Variants in TKT observed in about 807,000 individuals in gnomAD.
TKT encodes epididymis luminal protein 107.
Under a neutral mutation model 63.9 loss-of-function variants are expected in TKT, and 47 were observed. The ratio of observed to expected loss-of-function variants is 0.74; its 90% CI spans 0.58 to 0.94. The LOEUF is 0.94. Among genes scored for constraint, TKT ranks in the 40% least tolerant of loss-of-function variants. The pLI, the probability that TKT is intolerant of heterozygous loss-of-function variation, is 0.00. For synonymous variants in TKT, 338 were observed against 334.1 expected, an observed-to-expected ratio of 1.01 and a Z score of -0.13; for missense variants, 721 against 846.2, an observed-to-expected ratio of 0.85 and a Z score of 1.84.
intron 1 of TKT, among the ~76,000 whole-genome samples, chr3:53,254,668 A>G (rs1232857793): frequency 6.6e-6 from 1 of 152,144 alleles, no homozygotes. Context: ...TGTGGCCTCA[A>G]AGCAGCCTCC....
rs1704954943 is a variant in TKT, at chr3:53,235,099, G to A, written c.513C>T (p.Ser171=). 1.2e-6 allele frequency: 2 copies of A among 1,613,890 alleles called. No individual in the cohort carries two copies. The highest frequency in any genetic ancestry group is 1.1e-5 in the South Asian group (1 of 91,076). The change falls in exon 5 of 14, where the codon AGC becomes AGT. Residue 171 remains serine, a synonymous_variant. Coordinates refer to ENST00000462138, the MANE Select transcript of TKT (RefSeq NM_001064.4). The part of the protein sequence containing the change: ...GSVWEAMAFA[S]IYKLDNLVAI... ...CCACAAGGTTGTCCAGCTTATAGAT[G>A]CTGGCGAAGGCCATGGCCTCCCATA...
At position 53,225,923 on chromosome 3, in the gene TKT, C is replaced by G. The variant is rs138584321; in HGVS notation, c.1705G>C (p.Gly569Arg). ...ACTACTGCACTGGACACAGCCTCAC[C>G]AATGCCACCTAGAAATGAAAGGAGG... is the stretch of plus-strand genomic sequence containing the variant. ...VEDHYYEGGIGEAVSSAVVGE... is the reference protein window; with the variant it reads ...VEDHYYEGGIREAVSSAVVGE... Residue 569 changes from glycine (G) to arginine (R), a missense_variant, in exon 14 of 14, where the codon GGT (glycine) becomes CGT (arginine). By Grantham distance (125) the Gly-to-Arg change is moderately radical. Transcript: ENST00000462138. The G allele has an allele frequency of 1.9e-6, 3 of 1,608,082 alleles. No homozygotes were observed. The highest frequency in any genetic ancestry group is 2.5e-6 in the Non-Finnish European group (3 of 1,176,490).
At chr3:53,255,096 C>T (rs781860746) in intron 1 of TKT, among the ~76,000 whole-genome samples, 17 of 152,224 alleles carry the variant, frequency 1.1e-4, no homozygotes, top group Non-Finnish European at 1.5e-4. Context: ...CTCCTTTTCA[C>T]AATGGATCCC....
At chr3:53,248,076 T>C (rs1382150678) in intron 1 of TKT, among the ~76,000 whole-genome samples, 1 of 152,174 alleles carries the variant, frequency 6.6e-6, no homozygotes, top group Admixed American at 6.5e-5. Context: ...TTCCTCACTA[T>C]AAAACGGAGG....
chr3:53,239,207 A>G (rs1705167061), intron 4 of TKT, among the ~76,000 whole-genome samples: 1 of 152,134 alleles, frequency 6.6e-6, no homozygotes, highest in African/African-American at 2.4e-5. Context: ...AGCCATGTGG[A>G]ACTGTAAGTC....
chr3:53,229,490 G>C (rs537539623), intron 8 of TKT, 54 bp from the exon 9 acceptor site: 2 of 1,552,306 alleles, frequency 1.3e-6, no homozygotes, highest in South Asian at 2.3e-5. Flanking sequence ...GGGTGGTCGG[G>C]GAGCCTAGGA....
intron 12 of TKT, 140 bp from the exon 13 acceptor site, chr3:53,227,018 C>G: frequency 9.9e-7 from 1 of 1,010,394 alleles, no homozygotes; most frequent in Non-Finnish European, 1.4e-6. Flanking sequence ...CCAGGGAGAA[C>G]CACTTGCCAC....
At chr3:53,232,310 C>T in intron 6 of TKT, 5 of 399,154 alleles carry the variant, frequency 1.3e-5, no homozygotes, top group Non-Finnish European at 2.2e-5. Context: ...ATCCCAGAGC[C>T]CTTTCCTCGA....
chr3:53,227,355 C>A (rs1023055288), intron 12 of TKT: 19 of 161,968 alleles, frequency 1.2e-4, no homozygotes, highest in Admixed American at 1.1e-3. Context: ...AGCTCACCCC[C>A]CTGGGTCTCC....
intron 2 of TKT, chr3:53,241,901 C>G: frequency 3.6e-6 from 2 of 555,590 alleles, no homozygotes; most frequent in South Asian, 4.0e-5. Flanking sequence ...GTTTATGTAC[C>G]TGGGCTCCAT....
rs782656866 is a variant in TKT at position 53,231,417 on chromosome 3, G to C, written c.882C>G (p.Pro294=). 12 of 1,614,122 alleles carry C rather than the reference G, an allele frequency of 7.4e-6. No individual in the cohort carries two copies. The highest frequency in any genetic ancestry group is 1.0e-5 in the Non-Finnish European group (12 of 1,180,032). The change falls in exon 7 of 14, where the codon CCC becomes CCG. Residue 294 remains proline, a synonymous_variant. Coordinates refer to ENST00000462138, the MANE Select transcript of TKT (RefSeq NM_001064.4). ...TGCGGATGTTGGCAATGTCCACTGA[G>C]GGTGCGTCCTCCTGTGGAGGGGTTG... ...ILATPPQEDA[P]SVDIANIRMP...
At chr3:53,255,049 C>A (rs1705922876) in intron 1 of TKT, among the ~76,000 whole-genome samples, 1 of 152,200 alleles carries the variant, frequency 6.6e-6, no homozygotes, top group South Asian at 2.1e-4. Flanking sequence ...AGTCTCCTTG[C>A]CCTCCGCCTC....
intron 4 of TKT, among the ~76,000 whole-genome samples, chr3:53,236,722 A>G (rs556517224): frequency 2.0e-5 from 3 of 152,336 alleles, no homozygotes; most frequent in East Asian, 1.9e-4. Context: ...AACCGAGGCT[A>G]GCACTGGAGG....
chr3:53,231,251 A>G, intron 7 of TKT, 106 bp downstream of exon 7: 1 of 1,304,310 alleles, frequency 7.7e-7, no homozygotes. Context: ...CTCGCCCTAA[A>G]TGAATCGCTC....
chr3:53,243,327 A>T (rs34618710), intron 1 of TKT, among the ~76,000 whole-genome samples: 19 of 151,948 alleles, frequency 1.3e-4, no homozygotes, highest in Non-Finnish European at 2.1e-4. Flanking sequence ...CTCCACATGC[A>T]GCTCAGCTCA....
At chr3:53,241,333 G>A (rs1243274995) in intron 2 of TKT, 88 bp from the exon 3 acceptor site, 22 of 1,114,694 alleles carry the variant, frequency 2.0e-5, no homozygotes, top group Non-Finnish European at 2.6e-5. Flanking sequence ...CCTGGGGCCC[G>A]GCCGAGCCGG....
intron 1 of TKT, among the ~76,000 whole-genome samples, chr3:53,243,426 G>A (rs1705371611): frequency 6.6e-6 from 1 of 152,094 alleles, no homozygotes; most frequent in Non-Finnish European, 1.5e-5. Flanking sequence ...ACCATCTGGA[G>A]CTCACGCCGC....
chr3:53,228,558 C>A, intron 10 of TKT, 199 bp from the exon 11 acceptor site: 1 of 596,908 alleles, frequency 1.7e-6, no homozygotes, highest in Non-Finnish European at 2.9e-6. Context: ...CACCACCTTG[C>A]AGCCTCAGAC....
chr3:53,229,131 T>C lies in TKT; in HGVS notation c.1271A>G (p.Asp424Gly). The change falls in exon 10 of 14, where the codon GAC (aspartate) becomes GGC (glycine). Residue 424 changes from aspartate to glycine, a missense_variant. Physicochemically the swap from Asp to Gly is moderately conservative, Grantham distance 94. Coordinates refer to ENST00000462138, the MANE Select transcript of TKT (RefSeq NM_001064.4). ...TTCTAGGGCCATCTGGGAGGGCCCG[T>C]CTTCCCCTGGGGTGTGGGGGAAAGG... The part of the protein sequence containing the change: ...GSHCGVSIGE[D>G]GPSQMALEDL... 6.2e-7 allele frequency: 1 copy of C among 1,614,136 alleles called. No individual in the cohort carries two copies. Among genetic ancestry groups the C allele is most frequent in the African/African-American group, 1.3e-5 (1 of 75,030 alleles).
Sources: allele counts gnomAD v4.1 joint callset (sites outside exome capture counted in the v4.1 genomes callset), GRCh38; gene constraint gnomAD v4.1.1; transcripts MANE v1.5; gene names NCBI Gene and HGNC (gene_info 2026-07-23, HGNC 2026-07-21).